Variants in UGT2B7 observed in about 807,000 individuals in gnomAD.
The protein encoded by UGT2B7 is UDP glucuronosyltransferase family 2 member B7.
Under a neutral mutation model 51.9 loss-of-function variants are expected in UGT2B7, and 51 were observed. That is an observed-to-expected ratio of 0.98 (90% CI 0.78 to 1.24). The LOEUF is 1.24. Among genes scored for constraint, UGT2B7 ranks in the 50% most tolerant of loss-of-function variants. UGT2B7 has a pLI of 0.00. For synonymous variants in UGT2B7, 225 were observed against 211.6 expected (o/e 1.06, Z -0.55); for missense variants, 727 against 628.4 (o/e 1.16, Z -1.68).
chr4:69,052,569 CAAAAA>C (rs1204317464), intron 1 of UGT2B7, among the ~76,000 whole-genome samples: 1 of 64,712 alleles, frequency 1.5e-5, no homozygotes, highest in African/African-American at 6.2e-5. Flanking sequence ...TGGTTATCTT[CAAAAA>C]AAAAAAAAAA....
intron 1 of UGT2B7, among the ~76,000 whole-genome samples, chr4:69,083,996 C>G (rs1021384189): frequency 5.3e-5 from 8 of 151,996 alleles, no homozygotes; most frequent in African/African-American, 1.9e-4. Flanking sequence ...CTTTTTTACT[C>G]TGATGTTACC....
At chr4:69,103,562 T>C (rs148314179) in intron 3 of UGT2B7, among the ~76,000 whole-genome samples, 57 of 152,346 alleles carry the variant, frequency 3.7e-4, no homozygotes, top group Non-Finnish European at 3.8e-4. Flanking sequence ...GTGCTTAATG[T>C]AGTCTTTAGA....
chr4:69,093,734 G>A (rs1172112581), upstream of UGT2B7, among the ~76,000 whole-genome samples: 1 of 152,126 alleles, frequency 6.6e-6, no homozygotes, highest in African/African-American at 2.4e-5. Context: ...ATGTTATTTG[G>A]GGTAGCACAT....
intron 5 of UGT2B7, among the ~76,000 whole-genome samples, chr4:69,109,243 C>A (rs1005252842): frequency 1.3e-5 from 2 of 152,036 alleles, no homozygotes; most frequent in Admixed American, 6.6e-5. Context: ...GTTTTCCTTT[C>A]TTTAGGGTTG....
intron 1 of UGT2B7, among the ~76,000 whole-genome samples, chr4:69,086,723 A>T (rs1321017436): frequency 6.6e-6 from 1 of 151,888 alleles, no homozygotes; most frequent in Non-Finnish European, 1.5e-5. Context: ...ATTATTATAC[A>T]ATGGCCAACT....
chr4:69,056,683 C>T (rs1268266070), intron 1 of UGT2B7, among the ~76,000 whole-genome samples: 1 of 152,180 alleles, frequency 6.6e-6, no homozygotes, highest in Non-Finnish European at 1.5e-5. Context: ...CCTTTGTTTC[C>T]TACCTGTACT....
chr4:69,087,970 C>T (rs1718999735), intron 1 of UGT2B7, among the ~76,000 whole-genome samples: 1 of 151,912 alleles, frequency 6.6e-6, no homozygotes, highest in Middle Eastern at 3.2e-3. Flanking sequence ...ATACTGTCAT[C>T]TTTCTCTAGA....
intron 1 of UGT2B7, among the ~76,000 whole-genome samples, chr4:69,051,978 G>A (rs1718030141): frequency 1.3e-5 from 2 of 152,034 alleles, no homozygotes; most frequent in Admixed American, 1.3e-4. Flanking sequence ...GTGTGAGCGT[G>A]GTGTTTTGCC....
At chr4:69,072,704 CT>C (rs1316681263) in intron 1 of UGT2B7, among the ~76,000 whole-genome samples, 1 of 152,088 alleles carries the variant, frequency 6.6e-6, no homozygotes, top group Non-Finnish European at 1.5e-5. Flanking sequence ...CTTCTGGCAT[CT>C]ACCACCTCAC....
At chr4:69,076,138 T>G (rs1718701092) in intron 1 of UGT2B7, among the ~76,000 whole-genome samples, 1 of 152,194 alleles carries the variant, frequency 6.6e-6, no homozygotes, top group African/African-American at 2.4e-5. Context: ...CATAGTATTC[T>G]ATGATATATA....
intron 1 of UGT2B7, among the ~76,000 whole-genome samples, chr4:69,073,327 G>A (rs1718639741): frequency 6.6e-6 from 1 of 152,094 alleles, no homozygotes; most frequent in Admixed American, 6.6e-5. Flanking sequence ...TTATTAGTCT[G>A]ATTAATCACT....
At chr4:69,070,316 A>C (rs7438042) in intron 1 of UGT2B7, among the ~76,000 whole-genome samples, 27,043 of 147,546 alleles carry the variant, frequency 0.18, 2,635 homozygotes, top group East Asian at 0.4. Flanking sequence ...TTATTGTTTT[A>C]TTTCAACTTT....
chr4:69,092,631 G>A (rs1014414327), upstream of UGT2B7, among the ~76,000 whole-genome samples: 3 of 151,840 alleles, frequency 2.0e-5, no homozygotes, highest in Non-Finnish European at 4.4e-5. Context: ...AAAAATATAA[G>A]TTTTCTTTAC....
chr4:69,067,199 C>CT (rs1476077069), intron 1 of UGT2B7, among the ~76,000 whole-genome samples: 1 of 152,172 alleles, frequency 6.6e-6, no homozygotes, highest in Non-Finnish European at 1.5e-5. Flanking sequence ...CATACCACAT[C>CT]TTAATGTGTA....
intron 1 of UGT2B7, among the ~76,000 whole-genome samples, chr4:69,070,538 G>A (rs1161764316): frequency 6.6e-6 from 1 of 151,488 alleles, no homozygotes; most frequent in African/African-American, 2.4e-5. Flanking sequence ...AGTATGAACT[G>A]AGCTCAACTC....
chr4:69,101,921 G>A (rs12508257), intron 2 of UGT2B7, among the ~76,000 whole-genome samples: 87,738 of 152,030 alleles, frequency 0.58, 26,329 homozygotes, highest in African/African-American at 0.71. Flanking sequence ...GGCCTCTTCT[G>A]TTCTGGTGCA....
intron 1 of UGT2B7, among the ~76,000 whole-genome samples, chr4:69,061,128 C>T (rs1718336225): frequency 6.6e-6 from 1 of 152,192 alleles, no homozygotes; most frequent in Non-Finnish European, 1.5e-5. Context: ...CAGGAACTGC[C>T]TCTCAGAAAG....
At chr4:69,107,087 G>T (rs1719622610) in intron 3 of UGT2B7, 88 bp from the exon 4 acceptor site, 3 of 1,377,116 alleles carry the variant, frequency 2.2e-6, no homozygotes, top group East Asian at 4.8e-5. Context: ...AACATCCCTT[G>T]ATCTCATTCC....
chr4:69,093,402 C>G (rs1719132932), upstream of UGT2B7, among the ~76,000 whole-genome samples: 1 of 152,208 alleles, frequency 6.6e-6, no homozygotes, highest in Admixed American at 6.5e-5. Flanking sequence ...ACACTGCTAT[C>G]ACGGCTGGTT....
Sources: gnomAD v4.1 joint callset for allele counts (sites outside exome capture counted in the v4.1 genomes callset) on GRCh38, gnomAD v4.1.1 for gene constraint, MANE v1.5 for transcripts, NCBI Gene and HGNC (gene_info 2026-07-23, HGNC 2026-07-21) for gene names.